The following SLC8A1 variants were observed in gnomAD, a reference collection of about 807,000 sequenced individuals.
The protein encoded by SLC8A1 is sodium/calcium exchanger 1.
SLC8A1 carries 18 observed loss-of-function variants against 68.3 expected under a neutral mutation model. That is an observed-to-expected ratio of 0.26 (90% CI 0.18 to 0.39). The LOEUF (loss-of-function observed/expected upper bound fraction) is 0.39, where lower values mean the gene tolerates loss of function less well. Among genes scored for constraint, SLC8A1 ranks in the 10% least tolerant of loss-of-function variants. The pLI, the probability that SLC8A1 is intolerant of heterozygous loss-of-function variation, is 1.00. For missense variants in SLC8A1, 985 were observed against 1,156.7 expected (o/e 0.85, Z 2.15); for synonymous variants, 475 against 415.5 (o/e 1.14, Z -1.74).
chr2:40,403,424 C>A (rs1237199331), intron 2 of SLC8A1, among the ~76,000 whole-genome samples: 9 of 151,742 alleles, frequency 5.9e-5, no homozygotes, highest in Admixed American at 5.3e-4. Flanking sequence ...CATTCCCCAT[C>A]CGCCACCCTC....
intron 2 of SLC8A1, among the ~76,000 whole-genome samples, chr2:40,260,100 C>A (rs2064489786): frequency 1.3e-5 from 2 of 152,206 alleles, no homozygotes; most frequent in African/African-American, 4.8e-5. Context: ...TACATATCAA[C>A]AATGACTCAT....
chr2:40,494,640 AATATATATATATATATATATATAT>A (rs34595267), intron 1 of SLC8A1, among the ~76,000 whole-genome samples: 65 of 92,658 alleles, frequency 7.0e-4, no homozygotes, highest in Middle Eastern at 0.013. Flanking sequence ...CTTAAAGTAT[AATATATATATATATATATATATAT>A]ATATATATAT....
chr2:40,509,437 A>ATTTTTT (rs367549288), intron 1 of SLC8A1, among the ~76,000 whole-genome samples: 2 of 113,754 alleles, frequency 1.8e-5, no homozygotes, highest in African/African-American at 7.1e-5. Context: ...GGGATTTGGA[A>ATTTTTT]TTTTTTTTTT....
rs80280523 is a variant in SLC8A1, at chr2:40,164,896, G to A, written c.2019C>T (p.His673=). The change falls in exon 5 of 8, where the codon CAC becomes CAT. Residue 673 remains histidine (H), a synonymous_variant. Coordinates refer to ENST00000406785, the Ensembl canonical transcript of SLC8A1. ...CTTCAATGATCACTTCCAACTTGGTGTGCTCTCCCAGGATGGGGCGCCCCA... is the reference window on the plus strand; with the variant it reads ...CTTCAATGATCACTTCCAACTTGGTATGCTCTCCCAGGATGGGGCGCCCCA... 7.9e-5 allele frequency: 128 copies of A among 1,613,956 alleles called. No homozygotes were observed. In the African/African-American group the frequency reaches 1.5e-3, roughly 18 times the overall value.
chr2:40,115,245 T>G, exon 8 of SLC8A1: 1 of 1,591,570 alleles, frequency 6.3e-7, no homozygotes. Flanking sequence ...CTATATCTGA[T>G]AGTTCCTTTA....
At chr2:40,275,547 C>T (rs1416254157) in intron 2 of SLC8A1, among the ~76,000 whole-genome samples, 3 of 152,122 alleles carry the variant, frequency 2.0e-5, no homozygotes, top group East Asian at 1.9e-4. Context: ...CCGGGAGGAA[C>T]GCTGGGTTGA....
At chr2:40,166,891 C>G (rs2046635853) in intron 4 of SLC8A1, among the ~76,000 whole-genome samples, 1 of 152,198 alleles carries the variant, frequency 6.6e-6, no homozygotes, top group Non-Finnish European at 1.5e-5. Flanking sequence ...AGGAATATTA[C>G]AACTTGGACA....
chr2:40,394,661 G>T (rs1686358042), intron 2 of SLC8A1, among the ~76,000 whole-genome samples: 1 of 151,992 alleles, frequency 6.6e-6, no homozygotes, highest in African/African-American at 2.4e-5. Flanking sequence ...AACTGTGATT[G>T]CATTTTTCTT....
chr2:40,308,207 C>T (rs904277888), intron 2 of SLC8A1, among the ~76,000 whole-genome samples: 4 of 152,008 alleles, frequency 2.6e-5, no homozygotes, highest in South Asian at 2.1e-4. Context: ...CCTCATGATT[C>T]GTGGCAGTGA....
At chr2:40,176,505 A>G (rs187742302) in intron 3 of SLC8A1, among the ~76,000 whole-genome samples, 3 of 152,254 alleles carry the variant, frequency 2.0e-5, no homozygotes, top group Admixed American at 1.3e-4. Context: ...TCTGTCTACC[A>G]TCTATGGAGC....
At chr2:40,277,311 C>A (rs1229517955) in intron 2 of SLC8A1, among the ~76,000 whole-genome samples, 2 of 151,912 alleles carry the variant, frequency 1.3e-5, no homozygotes, top group Non-Finnish European at 1.5e-5. Context: ...GAGGCCAAGG[C>A]GGGCGATCAC....
chr2:40,303,179 C>T (rs1322087919), intron 2 of SLC8A1, among the ~76,000 whole-genome samples: 1 of 152,202 alleles, frequency 6.6e-6, no homozygotes, highest in African/African-American at 2.4e-5. Flanking sequence ...CTGCTATGTT[C>T]ATTCAATTTA....
At chr2:40,260,299 C>T (rs2064518532) in intron 2 of SLC8A1, among the ~76,000 whole-genome samples, 1 of 152,224 alleles carries the variant, frequency 6.6e-6, no homozygotes, top group African/African-American at 2.4e-5. Context: ...CTGTTCAGAG[C>T]TCACTGAAAA....
At chr2:40,470,044 AG>A (rs1703912960) in intron 1 of SLC8A1, among the ~76,000 whole-genome samples, 1 of 152,144 alleles carries the variant, frequency 6.6e-6, no homozygotes, top group Non-Finnish European at 1.5e-5. Context: ...GTTTCCCTAA[AG>A]TTCAGTTTCA....
intron 2 of SLC8A1, chr2:40,254,597 T>TTTA (rs1298772282): frequency 2.0e-5 from 3 of 152,138 alleles, no homozygotes; most frequent in Non-Finnish European, 4.4e-5. Context: ...AAATTTCTTT[T>TTTA]TTATTATTTC....
In SLC8A1 at chr2:40,476,358, A is replaced by G. The variant is rs565002948; in HGVS notation, c.-25+35991T>C. 1.7e-4 allele frequency among the ~76,000 whole-genome samples: 26 copies of G among 152,322 alleles called. No individual in the cohort carries two copies. In the South Asian group the frequency reaches 5.4e-3, roughly 32 times the overall value. On this transcript the variant is annotated intron_variant, in intron 1 of 7. Transcript: ENST00000402441. ...GCATTCTTGATACCTGCTGGAGGCA[A>G]TTCATTCATTTAGGGAGAGAGAAAT...
intron 1 of SLC8A1, among the ~76,000 whole-genome samples, chr2:40,471,699 A>G (rs1486007908): frequency 6.6e-6 from 1 of 152,200 alleles, no homozygotes; most frequent in Non-Finnish European, 1.5e-5. Context: ...CAAGGAAATA[A>G]AGTTGACAGG....
intron 2 of SLC8A1, among the ~76,000 whole-genome samples, chr2:40,283,861 A>T (rs2067867192): frequency 6.6e-6 from 1 of 152,210 alleles, no homozygotes; most frequent in Non-Finnish European, 1.5e-5. Flanking sequence ...GTGATCAGGC[A>T]GAAGAAAAAT....
At chr2:40,262,972 C>T (rs1045565899) in intron 2 of SLC8A1, among the ~76,000 whole-genome samples, 3 of 152,188 alleles carry the variant, frequency 2.0e-5, no homozygotes, top group Admixed American at 6.5e-5. Flanking sequence ...ATGGCCCTCC[C>T]GTAATTCCTA....
Sources: allele counts gnomAD v4.1 joint callset (sites outside exome capture counted in the v4.1 genomes callset), GRCh38; gene constraint gnomAD v4.1.1; transcripts MANE v1.5; gene names NCBI Gene and HGNC (gene_info 2026-07-23, HGNC 2026-07-21).